NSG1: variants seen among roughly 807,000 people sequenced by gnomAD.
The protein encoded by NSG1 is neuronal vesicle trafficking-associated protein 1.
In NSG1, 9 loss-of-function variants were observed where a neutral mutation model predicts 19.3. The ratio of observed to expected loss-of-function variants is 0.47; its 90% CI spans 0.28 to 0.81. NSG1 has a LOEUF of 0.81. NSG1 is among the 40% of genes least tolerant of loss of function. The pLI is 0.11. For missense variants in NSG1, 236 were observed against 242.4 expected, an observed-to-expected ratio of 0.97 and a Z score of 0.18; for synonymous variants, 104 against 107.0, an observed-to-expected ratio of 0.97 and a Z score of 0.17.
chr4:4,399,230 C>G (rs1405214027), intron 3 of NSG1, among the ~76,000 whole-genome samples: 1 of 152,142 alleles, frequency 6.6e-6, no homozygotes, highest in Non-Finnish European at 1.5e-5. Flanking sequence ...GCAGCCTCGA[C>G]CTCCTGGGCT....
intron 2 of NSG1, among the ~76,000 whole-genome samples, chr4:4,388,581 A>C (rs954471476): frequency 1.3e-5 from 2 of 152,174 alleles, no homozygotes; most frequent in Non-Finnish European, 2.9e-5. Context: ...CACAGCATCT[A>C]CTCTCAGCAT....
chr4:4,387,805 A>G (rs1722811385), intron 2 of NSG1, 47 bp downstream of exon 2: 2 of 1,466,206 alleles, frequency 1.4e-6, no homozygotes. Context: ...GCACCCCCAA[A>G]TCTCGCACGG....
At chr4:4,394,003 A>C (rs898938886) in intron 3 of NSG1, among the ~76,000 whole-genome samples, 1 of 152,162 alleles carries the variant, frequency 6.6e-6, no homozygotes, top group Non-Finnish European at 1.5e-5. Context: ...GTGATCCATG[A>C]GCTAGACTCT....
intron 3 of NSG1, among the ~76,000 whole-genome samples, chr4:4,409,189 C>T (rs1040942897): frequency 4.6e-5 from 7 of 152,216 alleles, no homozygotes; most frequent in Non-Finnish European, 1.5e-5. Context: ...TGGCTGGTAG[C>T]TGATGCACCA....
chr4:4,394,766 C>A (rs1723169255), intron 3 of NSG1, among the ~76,000 whole-genome samples: 1 of 152,280 alleles, frequency 6.6e-6, no homozygotes, highest in African/African-American at 2.4e-5. Context: ...AATTGTGCTG[C>A]TGGCCTCCCA....
rs56166051 is a variant in NSG1 at position 4,411,743 on chromosome 4, A to AAAAACAAAAC, written c.357+2102_357+2111dup. Reference sequence around the variant, plus strand: ...TGGGCAACAGAGGGAGACTCCGTCTAAAAACAAAACAAAACAAAACAAAAC... The same window carrying AAAAACAAAAC: ...TGGGCAACAGAGGGAGACTCCGTCTAAAAACAAAACAAAACAAAACAAAACAAAACAAAAC... On this transcript the variant is annotated intron_variant, in intron 4 of 4. Coordinates refer to ENST00000621129, the MANE Select transcript of NSG1 (RefSeq NM_014392.5). 2.9e-3 allele frequency among the ~76,000 whole-genome samples: 409 copies of AAAAACAAAAC among 140,430 alleles called. 2 individuals are homozygous for AAAAACAAAAC. The highest frequency in any genetic ancestry group is 7.8e-3 in the East Asian group (39 of 4,976). 92.1% of individuals were successfully genotyped at this position (140,430 alleles called of 152,430 possible). A position where few individuals can be genotyped will look rare whatever the true frequency, so the allele number is the denominator to read the frequency against.
At position 4,418,676 on chromosome 4, in the gene NSG1, C is replaced by T. The variant is rs952654973; in HGVS notation, c.*1241C>T. On this transcript the variant is annotated 3_prime_UTR_variant, in exon 5 of 5. Coordinates refer to ENST00000621129, the MANE Select transcript of NSG1 (RefSeq NM_014392.5). The stretch of plus-strand genomic sequence containing the variant: ...TTCAGTTTTTTAGATCAGAAATAAA[C>T]GACAAATAGTGTGAGATGTGTTGTG... The T allele has an allele frequency of 2.6e-5, 4 of 152,584 alleles. No homozygotes were observed. The highest frequency in any genetic ancestry group is 9.7e-5 in the African/African-American group (4 of 41,436). 9.5% of individuals were successfully genotyped at this position (152,584 alleles called of 1,614,324 possible).
chr4:4,404,337 TCAC>T (rs1182042537), intron 3 of NSG1, among the ~76,000 whole-genome samples: 1 of 152,236 alleles, frequency 6.6e-6, no homozygotes, highest in Non-Finnish European at 1.5e-5. Context: ...CTCACCCAGC[TCAC>T]CGTGCCCACT....
At position 4,394,393 on chromosome 4, in the gene NSG1, G is replaced by A. The variant is rs142505698; in HGVS notation, c.246+2802G>A. 6.1e-3 allele frequency among the ~76,000 whole-genome samples: 935 copies of A among 152,228 alleles called. 10 individuals carry two copies. The highest frequency in any genetic ancestry group is 0.021 in the African/African-American group (892 of 41,532). Reference sequence around the variant, plus strand: ...CCAGTGTACAGCTTCTTTTTCTCTTGTGTCTTTCTGAGTCCTGGTTTCCAC... The same window carrying A: ...CCAGTGTACAGCTTCTTTTTCTCTTATGTCTTTCTGAGTCCTGGTTTCCAC... On this transcript the variant is annotated intron_variant, in intron 3 of 4. Transcript: ENST00000621129.
Position 4,417,285 on chromosome 4 carries a change from C to A in NSG1, c.408C>A (p.Asp136Glu). 2 of 1,614,180 alleles carry A rather than the reference C, an allele frequency of 1.2e-6. No homozygotes were observed. Among genetic ancestry groups the A allele is most frequent in the Non-Finnish European group, 1.7e-6 (2 of 1,180,046 alleles). The change falls in exon 5 of 5, where the codon GAC becomes GAA. Residue 136 changes from aspartate (D) to glutamate (E), a missense_variant. Asp to Glu is a conservative substitution (Grantham distance 45, BLOSUM62 2). Transcript: ENST00000621129. ...TGGAGAGCTACTACGCGGAGCAAGA[C>A]TCCAGTGCCCGGGAGAAATTTTACA... ...EGLESYYAEQ[D>E]SSAREKFYTV... is the part of the protein sequence containing the mutation.
At position 4,413,730 on chromosome 4, in the gene NSG1, T is replaced by C. The variant is rs573612477; in HGVS notation, c.358-3505T>C. The stretch of plus-strand genomic sequence containing the variant: ...AGGCCCCTGGAGGAGGGGGAAGTGA[T>C]AGGGTGACCTCTTGGGTCACCTGGG... On this transcript the variant is annotated intron_variant, in intron 4 of 4. Transcript: ENST00000621129. 9.2e-5 allele frequency among the ~76,000 whole-genome samples: 14 copies of C among 151,424 alleles called. No individual in the cohort carries two copies. In the South Asian group the frequency reaches 2.9e-3, roughly 32 times the overall value.
chr4:4,413,254 T>C (rs749154723), intron 4 of NSG1, among the ~76,000 whole-genome samples: 14 of 151,248 alleles, frequency 9.3e-5, no homozygotes, highest in Admixed American at 2.0e-4. Flanking sequence ...GGCCCAGGGG[T>C]TGGGCATGGG....
intron 3 of NSG1, among the ~76,000 whole-genome samples, chr4:4,408,090 G>A (rs1723964112): frequency 6.6e-6 from 1 of 152,120 alleles, no homozygotes; most frequent in South Asian, 2.1e-4. Context: ...TGGGAACTGG[G>A]GACTGCATGG....
chr4:4,414,869 G>C (rs1724432640), intron 4 of NSG1, among the ~76,000 whole-genome samples: 1 of 151,986 alleles, frequency 6.6e-6, no homozygotes, highest in African/African-American at 2.4e-5. Context: ...CACTCCCAGT[G>C]GCCCCAAGCT....
intron 3 of NSG1, among the ~76,000 whole-genome samples, chr4:4,406,659 G>C (rs1300306093): frequency 1.3e-5 from 2 of 152,174 alleles, no homozygotes; most frequent in Non-Finnish European, 2.9e-5. Flanking sequence ...ACAGCAGACA[G>C]CTCCGTCATG....
intron 4 of NSG1, among the ~76,000 whole-genome samples, chr4:4,411,616 T>C (rs1365154589): frequency 1.3e-5 from 2 of 151,904 alleles, no homozygotes; most frequent in East Asian, 1.9e-4. Flanking sequence ...TGGTGGCGGG[T>C]GCCTGTAATC....
Position 4,394,239 on chromosome 4 carries a change from A to G in NSG1, c.246+2648A>G, listed in dbSNP as rs575779135. Among the ~76,000 whole-genome samples the G allele has an allele frequency of 7.2e-5, 11 of 152,220 alleles. No individual in the cohort carries two copies. The South Asian group carries it at 1.2e-3, about 17-fold the overall frequency. ...GCTGTTGAGCCATTCCACTTCTTCA[A>G]ATCCTTTTCCTTTGTTGATTCAAAA... On this transcript the variant is annotated intron_variant, in intron 3 of 4. Coordinates refer to ENST00000621129, the MANE Select transcript of NSG1 (RefSeq NM_014392.5).
At chr4:4,406,515 T>C (rs1338427797) in intron 3 of NSG1, among the ~76,000 whole-genome samples, 2 of 152,196 alleles carry the variant, frequency 1.3e-5, no homozygotes, top group African/African-American at 4.8e-5. Context: ...GGCAGGTAGC[T>C]GGAGCCCGGG....
chr4:4,403,003 C>A (rs186117942), intron 3 of NSG1, among the ~76,000 whole-genome samples: 1 of 152,216 alleles, frequency 6.6e-6, no homozygotes, highest in African/African-American at 2.4e-5. Context: ...ACGTTCTGTT[C>A]GATGCGTAGA....
Sources: allele counts gnomAD v4.1 joint callset (sites outside exome capture counted in the v4.1 genomes callset), GRCh38; gene constraint gnomAD v4.1.1; transcripts MANE v1.5; gene names NCBI Gene and HGNC (gene_info 2026-07-23, HGNC 2026-07-21).